PDIA5: variants seen among roughly 807,000 people sequenced by gnomAD.
The protein encoded by PDIA5 is protein disulfide isomerase family A member 5.
A neutral mutation model predicts 77.6 loss-of-function variants in PDIA5; 58 were observed. The observed-to-expected ratio is 0.75, with a 90% CI of 0.61 to 0.93. PDIA5 has a LOEUF of 0.93. PDIA5 is among the 40% of genes least tolerant of loss of function. The pLI is 0.00. For missense variants in PDIA5, 630 were observed against 647.7 expected (o/e 0.97, Z 0.30); for synonymous variants, 250 against 252.1 (o/e 0.99, Z 0.08).
chr3:123,080,290 G>A (rs991761337), intron 1 of PDIA5, among the ~76,000 whole-genome samples: 5 of 152,178 alleles, frequency 3.3e-5, no homozygotes, highest in Non-Finnish European at 5.9e-5. Context: ...GTGGTCTCAG[G>A]AGATTTTGAG....
chr3:123,067,116 G>A lies in PDIA5; in HGVS notation c.-49G>A. ...GGAGCTAGCAGGCGGGCGGGCGGGA[G>A]CGGGCGCCGGAGTGGAGAAAGGAGC... On this transcript the variant is annotated 5_prime_UTR_variant, in exon 1 of 17. Coordinates refer to ENST00000316218, the MANE Select transcript of PDIA5 (RefSeq NM_006810.4). 8.1e-7 allele frequency: 1 copy of A among 1,236,154 alleles called. No homozygotes were observed. Among genetic ancestry groups the A allele is most frequent in the South Asian group, 3.9e-5 (1 of 25,416 alleles). 76.6% of individuals were successfully genotyped at this position (1,236,154 alleles called of 1,614,324 possible). A position where few individuals can be genotyped will look rare whatever the true frequency, so the allele number is the denominator to read the frequency against.
chr3:123,117,529 T>A (rs1304305227), intron 8 of PDIA5, among the ~76,000 whole-genome samples: 1 of 151,546 alleles, frequency 6.6e-6, no homozygotes, highest in East Asian at 1.9e-4. Flanking sequence ...CAGGCCCATT[T>A]CTATGATTTT....
chr3:123,130,681 G>A (rs538260779), intron 11 of PDIA5, 65 bp downstream of exon 11: 42 of 1,554,952 alleles, frequency 2.7e-5, no homozygotes, highest in African/African-American at 2.4e-4. Flanking sequence ...TGAGTGTGGC[G>A]CTTTGCAATG....
At chr3:123,067,339 C>A in intron 1 of PDIA5, 133 bp downstream of exon 1, 1 of 790,112 alleles carries the variant, frequency 1.3e-6, no homozygotes, top group Non-Finnish European at 1.7e-6. Flanking sequence ...GCGTGCATGC[C>A]AGGCAGGCGG....
intron 6 of PDIA5, among the ~76,000 whole-genome samples, chr3:123,108,433 A>G (rs950053856): frequency 6.6e-6 from 1 of 151,382 alleles, no homozygotes; most frequent in Non-Finnish European, 1.5e-5. Flanking sequence ...GGTGTGTGCC[A>G]CCATGCCTGG....
rs377150266 is a variant in PDIA5 at position 123,081,514 on chromosome 3, T to A, written c.43-7654T>A. On this transcript the variant is annotated intron_variant, in intron 1 of 16. Coordinates refer to ENST00000316218, the MANE Select transcript of PDIA5 (RefSeq NM_006810.4). Reference sequence around the variant, plus strand: ...AGCTTCTTATGAGTCTAGACTTAGATTCTGACATTTAAAAACTATTTTGAG... The same window carrying A: ...AGCTTCTTATGAGTCTAGACTTAGAATCTGACATTTAAAAACTATTTTGAG... Among the ~76,000 whole-genome samples the A allele has an allele frequency of 3.9e-5, 6 of 152,350 alleles. No individual in the cohort carries two copies. In the East Asian group the frequency reaches 7.7e-4, roughly 20 times the overall value.
At chr3:123,068,196 G>A (rs923521305) in intron 1 of PDIA5, among the ~76,000 whole-genome samples, 1 of 152,152 alleles carries the variant, frequency 6.6e-6, no homozygotes, top group African/African-American at 2.4e-5. Context: ...GGAACTTCCT[G>A]TTCCTGGCAC....
At chr3:123,142,867 G>A (rs913832046) in intron 11 of PDIA5, among the ~76,000 whole-genome samples, 3 of 152,156 alleles carry the variant, frequency 2.0e-5, no homozygotes, top group Non-Finnish European at 4.4e-5. Context: ...TCCTGACTGG[G>A]TCCTCTGTCC....
intron 15 of PDIA5, among the ~76,000 whole-genome samples, chr3:123,155,341 C>T (rs186594299): frequency 6.6e-6 from 1 of 152,346 alleles, no homozygotes; most frequent in African/African-American, 2.4e-5. Flanking sequence ...GGATTGTCAT[C>T]ATGCATTACT....
intron 10 of PDIA5, among the ~76,000 whole-genome samples, chr3:123,128,426 A>T (rs1455554166): frequency 6.6e-6 from 1 of 152,148 alleles, no homozygotes; most frequent in Non-Finnish European, 1.5e-5. Context: ...TCTCCATCCT[A>T]TATTTGTGCA....
intron 7 of PDIA5, among the ~76,000 whole-genome samples, chr3:123,113,249 C>T (rs912693030): frequency 1.2e-4 from 18 of 152,134 alleles, no homozygotes; most frequent in South Asian, 2.1e-4. Context: ...TGCCACAAGA[C>T]GGCATCCGGG....
intron 8 of PDIA5, among the ~76,000 whole-genome samples, chr3:123,117,638 T>C (rs1293375849): frequency 6.6e-6 from 1 of 151,988 alleles, no homozygotes; most frequent in Non-Finnish European, 1.5e-5. Context: ...TTCATCCATG[T>C]AGCATGTCAT....
chr3:123,129,764 G>C (rs1234995176), intron 10 of PDIA5, among the ~76,000 whole-genome samples: 1 of 152,210 alleles, frequency 6.6e-6, no homozygotes, highest in Non-Finnish European at 1.5e-5. Context: ...ACAGGCTCCA[G>C]AGAGGTCAGG....
intron 11 of PDIA5, among the ~76,000 whole-genome samples, chr3:123,139,814 A>G (rs1935582742): frequency 6.6e-6 from 1 of 152,234 alleles, no homozygotes; most frequent in Non-Finnish European, 1.5e-5. Flanking sequence ...AGGCTAATTC[A>G]TTCAGAAAGC....
intron 7 of PDIA5, among the ~76,000 whole-genome samples, chr3:123,114,490 C>T (rs376231050): frequency 6.6e-6 from 1 of 152,214 alleles, no homozygotes; most frequent in Non-Finnish European, 1.5e-5. Flanking sequence ...GCTTGGAGAG[C>T]CCAGGCCACT....
chr3:123,152,107 TCCTTCCTTCCTTCCTTCCTG>T (rs1254420693), intron 14 of PDIA5, among the ~76,000 whole-genome samples: 1 of 35,850 alleles, frequency 2.8e-5, no homozygotes, highest in Admixed American at 2.1e-4. Context: ...CTGCCTTCCT[TCCTTCCTTCCTTCCTTCCTG>T]CCTTCCTTCC....
intron 15 of PDIA5, 151 bp downstream of exon 15, chr3:123,155,192 G>A: frequency 1.5e-6 from 1 of 657,944 alleles, no homozygotes. Flanking sequence ...TCTTTAGAAG[G>A]AAGATAGGGC....
intron 7 of PDIA5, 102 bp downstream of exon 7, chr3:123,111,106 T>A: frequency 3.6e-6 from 3 of 825,880 alleles, no homozygotes; most frequent in Admixed American, 3.9e-5. Flanking sequence ...TTAGCCTGGG[T>A]GCCTGGCTTA....
intron 14 of PDIA5, among the ~76,000 whole-genome samples, chr3:123,152,825 G>T (rs1052084710): frequency 2.0e-5 from 3 of 152,162 alleles, no homozygotes; most frequent in Admixed American, 1.3e-4. Flanking sequence ...ACGCTGAATG[G>T]TCTGGTCATG....
Sources: allele counts gnomAD v4.1 joint callset (sites outside exome capture counted in the v4.1 genomes callset), GRCh38; gene constraint gnomAD v4.1.1; transcripts MANE v1.5; gene names NCBI Gene and HGNC (gene_info 2026-07-23, HGNC 2026-07-21).